NSD2: variants seen among roughly 807,000 people sequenced by gnomAD.
The protein encoded by NSD2 is nuclear receptor binding SET domain protein 2.
A neutral mutation model predicts 139.0 loss-of-function variants in NSD2; 12 were observed. That is an observed-to-expected ratio of 0.09 (90% CI 0.06 to 0.14). The LOEUF is 0.14. Among genes scored for constraint, NSD2 ranks in the 10% least tolerant of loss-of-function variants. The probability of loss-of-function intolerance (pLI) is 1.00; values close to 1 mark genes in which losing one functional copy is unlikely to be tolerated. For synonymous variants in NSD2, 669 were observed against 648.7 expected (o/e 1.03, Z -0.48); for missense variants, 1,155 against 1,745.0 (o/e 0.66, Z 6.02).
chr4:1,873,362 C>T (rs1452217206), intron 1 of NSD2, among the ~76,000 whole-genome samples: 1 of 152,148 alleles, frequency 6.6e-6, no homozygotes, highest in African/African-American at 2.4e-5. Flanking sequence ...GACAATTTAT[C>T]GTATCTATTC....
chr4:1,945,114 G>A (rs1723483191), intron 9 of NSD2: 8 of 1,066,292 alleles, frequency 7.5e-6, no homozygotes, highest in African/African-American at 1.6e-5. Context: ...GAGGATCTCC[G>A]AGAGGTCCCC....
In NSD2 at chr4:1,942,482, A is replaced by G; in HGVS notation, c.1881+2704A>G. On this transcript the variant is annotated intron_variant, in intron 9 of 21. Coordinates refer to ENST00000508803, the MANE Select transcript of NSD2 (RefSeq NM_001042424.3). This position sits in a 1 kb window ranked among gnomAD's most constrained non-coding sequence, Gnocchi z 4.0. The stretch of plus-strand genomic sequence containing the variant: ...GTGACATTTCTATCACAATCATTTT[A>G]TGGAAGATGTGTGATAATCTGTTTT... 6.5e-7 allele frequency: 1 copy of G among 1,539,666 alleles called. No individual in the cohort carries two copies. The highest frequency in any genetic ancestry group is 8.8e-7 in the Non-Finnish European group (1 of 1,142,080).
At position 1,953,360 on chromosome 4, in the gene NSD2, C is replaced by G. The variant is rs1201830073; in HGVS notation, c.2174C>G (p.Thr725Arg). ...TGTTTCGTGTGTAAAGAGAGCAAGACAGATGTTAAGCGCTGTGTGGTAACT... is the reference window on the plus strand; with the variant it reads ...TGTTTCGTGTGTAAAGAGAGCAAGAGAGATGTTAAGCGCTGTGTGGTAACT... ...HSCFVCKESK[T>R]DVKRCVVTQC... The change falls in exon 12 of 22, where the codon ACA becomes AGA. Residue 725 changes from threonine (T) to arginine (R), a missense_variant. Thr to Arg is a moderately conservative substitution (Grantham distance 71). Coordinates refer to ENST00000508803, the MANE Select transcript of NSD2 (RefSeq NM_001042424.3). The G allele has an allele frequency of 6.2e-7, 1 of 1,614,082 alleles. No homozygotes were observed. Among genetic ancestry groups the G allele is most frequent in the Non-Finnish European group, 8.5e-7 (1 of 1,180,044 alleles).
Position 1,955,952 on chromosome 4 carries a change from C to G in NSD2, c.2676-31C>G. ...ATTATTATCGCTGTCTCTGAGGAGT[C>G]TGTGAATCCTGTTTTTAATATTTAT... On this transcript the variant is annotated intron_variant, in intron 14 of 21. Coordinates refer to ENST00000508803, the MANE Select transcript of NSD2 (RefSeq NM_001042424.3). This position sits in a 1 kb window ranked among gnomAD's most constrained non-coding sequence, Gnocchi z 4.7. 6.2e-7 allele frequency: 1 copy of G among 1,612,888 alleles called. No homozygotes were observed. The highest frequency in any genetic ancestry group is 8.5e-7 in the Non-Finnish European group (1 of 1,179,386).
At chr4:1,911,927 A>G (rs1718748556) in intron 3 of NSD2, among the ~76,000 whole-genome samples, 1 of 152,172 alleles carries the variant, frequency 6.6e-6, no homozygotes, top group South Asian at 2.1e-4. Flanking sequence ...GTCATTATTT[A>G]TAAACATGGT....
At chr4:1,963,730 C>T (rs1329186100) in intron 18 of NSD2, among the ~76,000 whole-genome samples, 5 of 152,158 alleles carry the variant, frequency 3.3e-5, no homozygotes, top group Non-Finnish European at 7.3e-5. Flanking sequence ...AAACAAAAAA[C>T]AAGCTGGGCA....
rs1327696992 is a variant in NSD2 at position 1,979,379 on chromosome 4, C to G, written c.*470C>G. ...GGTGAGGCCCGTGTGAGGACTGACC[C>G]TGGATTCCTCGAAACTGCCATTGTG... is the stretch of plus-strand genomic sequence containing the variant. On this transcript the variant is annotated 3_prime_UTR_variant, in exon 22 of 22. Coordinates refer to ENST00000508803, the MANE Select transcript of NSD2 (RefSeq NM_001042424.3). The G allele has an allele frequency of 2.5e-5, 6 of 236,332 alleles. No homozygotes were observed. The highest frequency in any genetic ancestry group is 5.0e-5 in the Non-Finnish European group (6 of 120,396). The allele number at this position is 236,332 out of a possible 1,614,324, so 14.6% of individuals were successfully genotyped here.
At chr4:1,960,298 C>T (rs921625157) in intron 17 of NSD2, among the ~76,000 whole-genome samples, 1 of 152,220 alleles carries the variant, frequency 6.6e-6, no homozygotes, top group Non-Finnish European at 1.5e-5. Flanking sequence ...AATGGAAGAT[C>T]TGTGAAGTGA....
At chr4:1,890,111 T>G (rs1286861182) in intron 1 of NSD2, among the ~76,000 whole-genome samples, 3 of 152,224 alleles carry the variant, frequency 2.0e-5, no homozygotes, top group Non-Finnish European at 4.4e-5. Context: ...CTTCTTTCAC[T>G]TAGCATCATG....
intron 6 of NSD2, among the ~76,000 whole-genome samples, chr4:1,932,364 G>A (rs775527141): frequency 3.3e-5 from 5 of 150,780 alleles, no homozygotes; most frequent in South Asian, 2.1e-4. Flanking sequence ...TCTTGAACCC[G>A]GGAGGCAGAG....
intron 1 of NSD2, among the ~76,000 whole-genome samples, chr4:1,881,704 T>C (rs1368412389): frequency 1.3e-5 from 2 of 152,242 alleles, no homozygotes; most frequent in African/African-American, 2.4e-5. Flanking sequence ...GCCCTGGTTC[T>C]AATTATTCTC....
chr4:1,931,308 A>G (rs1721605937), intron 6 of NSD2, among the ~76,000 whole-genome samples: 1 of 152,176 alleles, frequency 6.6e-6, no homozygotes. Context: ...CCTTGAATTC[A>G]GGTATCCTTT....
intron 19 of NSD2, 145 bp downstream of exon 19, chr4:1,975,149 A>G (rs1156405040): frequency 6.9e-7 from 1 of 1,446,076 alleles, no homozygotes; most frequent in Non-Finnish European, 9.4e-7. Context: ...TATCTCTTTT[A>G]CCAAGCAAAA....
At chr4:1,902,271 C>T (rs1425542490) in intron 2 of NSD2, among the ~76,000 whole-genome samples, 1 of 152,086 alleles carries the variant, frequency 6.6e-6, no homozygotes, top group African/African-American at 2.4e-5. Context: ...GTTGTCCAGG[C>T]TAGAGGGCAG....
In NSD2 at chr4:1,974,297, G is replaced by A. The variant is rs561104845; in HGVS notation, c.3373-566G>A. Among the ~76,000 whole-genome samples, 63 of 151,546 alleles carry A rather than the reference G, an allele frequency of 4.2e-4. No individual in the cohort carries two copies. The highest frequency in any genetic ancestry group is 1.4e-3 in the African/African-American group (56 of 41,280). On this transcript the variant is annotated intron_variant, in intron 18 of 21. Coordinates refer to ENST00000508803, the MANE Select transcript of NSD2 (RefSeq NM_001042424.3). This position sits in a 1 kb window ranked among gnomAD's most constrained non-coding sequence, Gnocchi z 4.0. ...GCGATCTCCACTCTCTGTAACCTCC[G>A]CCTCCCGGGTTCAAGTGATTCTCCT...
At position 1,973,675 on chromosome 4, in the gene NSD2, T is replaced by C. The variant is rs1726736201; in HGVS notation, c.3373-1188T>C. On this transcript the variant is annotated intron_variant, in intron 18 of 21. Coordinates refer to ENST00000508803, the MANE Select transcript of NSD2 (RefSeq NM_001042424.3). The surrounding 1 kb of genome is among the most constrained non-coding windows in gnomAD (Gnocchi z 5.5). ...TCCCAGACAGGGGCACCCTGGGAGA[T>C]TGCACCAGGGCTGGGTGCGTGGGCA... Among the ~76,000 whole-genome samples the C allele has an allele frequency of 2.0e-5, 3 of 152,220 alleles. No homozygotes were observed. The highest frequency in any genetic ancestry group is 4.1e-4 in the South Asian group (2 of 4,832).
At chr4:1,876,911 A>C (rs889336143) in intron 1 of NSD2, among the ~76,000 whole-genome samples, 6 of 152,098 alleles carry the variant, frequency 3.9e-5, no homozygotes, top group African/African-American at 1.4e-4. Flanking sequence ...CAAGGCAGGC[A>C]GATCACCTGA....
At position 1,942,362 on chromosome 4, in the gene NSD2, C is replaced by T. The variant is rs1723187281; in HGVS notation, c.1881+2584C>T. 6.2e-7 allele frequency: 1 copy of T among 1,613,810 alleles called. No homozygotes were observed. The highest frequency in any genetic ancestry group is 8.5e-7 in the Non-Finnish European group (1 of 1,179,970). Reference sequence around the variant, plus strand: ...AGCTTTTGTGGGAGCCCACACCAGTCAAGTTGGATTTGAACCCAGCTGCTC... The same window carrying T: ...AGCTTTTGTGGGAGCCCACACCAGTTAAGTTGGATTTGAACCCAGCTGCTC... On this transcript the variant is annotated intron_variant, in intron 9 of 21. Coordinates refer to ENST00000508803, the MANE Select transcript of NSD2 (RefSeq NM_001042424.3). This position sits in a 1 kb window ranked among gnomAD's most constrained non-coding sequence, Gnocchi z 4.0.
At chr4:1,903,212 T>G (rs1717417984) in intron 2 of NSD2, among the ~76,000 whole-genome samples, 1 of 152,106 alleles carries the variant, frequency 6.6e-6, no homozygotes, top group Non-Finnish European at 1.5e-5. Context: ...AGTGGAACAA[T>G]TTACTCATGT....
Sources: gnomAD v4.1 joint callset for allele counts (sites outside exome capture counted in the v4.1 genomes callset) on GRCh38, gnomAD v4.1.1 for gene constraint, Gnocchi (gnomAD v3.1) non-coding constraint, MANE v1.5 for transcripts, NCBI Gene and HGNC (gene_info 2026-07-23, HGNC 2026-07-21) for gene names.